The following TRIM2 variants were observed in gnomAD, a reference collection of about 807,000 sequenced individuals.
TRIM2 encodes the protein tripartite motif-containing protein 2.
Under a neutral mutation model 75.2 loss-of-function variants are expected in TRIM2, and 20 were observed. The observed-to-expected ratio is 0.27, with a 90% CI of 0.19 to 0.39. TRIM2 has a LOEUF of 0.39. TRIM2 is among the 10% of genes least tolerant of loss of function. TRIM2 has a pLI of 1.00. For missense variants in TRIM2, 660 were observed against 990.8 expected, an observed-to-expected ratio of 0.67 and a Z score of 4.48; for synonymous variants, 373 against 388.3, an observed-to-expected ratio of 0.96 and a Z score of 0.46.
intron 1 of TRIM2, among the ~76,000 whole-genome samples, chr4:153,178,778 A>G (rs950571302): frequency 6.6e-6 from 1 of 152,224 alleles, no homozygotes; most frequent in Admixed American, 6.5e-5. Flanking sequence ...ATTTCCCAAT[A>G]AGAAAAATTT....
intron 6 of TRIM2, among the ~76,000 whole-genome samples, chr4:153,306,541 G>A (rs935254695): frequency 6.6e-6 from 1 of 152,172 alleles, no homozygotes; most frequent in Non-Finnish European, 1.5e-5. Flanking sequence ...TAAATCATGA[G>A]CTTCAGTGAA....
intron 1 of TRIM2, among the ~76,000 whole-genome samples, chr4:153,269,370 A>T (rs1049595153): frequency 6.6e-6 from 1 of 152,232 alleles, no homozygotes; most frequent in African/African-American, 2.4e-5. Context: ...ATCTCCTTGC[A>T]GTCTTCAGTG....
At chr4:153,152,176 C>T (rs565877567), upstream of TRIM2, among the ~76,000 whole-genome samples, 19 of 152,228 alleles carry the variant, frequency 1.2e-4, no homozygotes, top group African/African-American at 4.1e-4. Context: ...CATGGACATT[C>T]TTCTTAGAAG....
intron 1 of TRIM2, among the ~76,000 whole-genome samples, chr4:153,241,402 C>T (rs1746554918): frequency 6.6e-6 from 1 of 152,200 alleles, no homozygotes. Flanking sequence ...GATGGTCCTG[C>T]CCCCTCCCCG....
intron 1 of TRIM2, among the ~76,000 whole-genome samples, chr4:153,211,488 CTTTTTTT>C (rs112668688): frequency 2.4e-4 from 33 of 135,046 alleles, no homozygotes; most frequent in Middle Eastern, 3.7e-3. Flanking sequence ...TTTTCTTTTT[CTTTTTTT>C]TTTTTTTTTT....
At chr4:153,206,249 T>C (rs1483999008) in intron 1 of TRIM2, among the ~76,000 whole-genome samples, 2 of 152,200 alleles carry the variant, frequency 1.3e-5, no homozygotes, top group African/African-American at 2.4e-5. Flanking sequence ...CTGAAGGTTG[T>C]CACTTGTGCT....
At chr4:153,268,669 G>A (rs1251846297) in intron 1 of TRIM2, among the ~76,000 whole-genome samples, 1 of 152,128 alleles carries the variant, frequency 6.6e-6, no homozygotes, top group Non-Finnish European at 1.5e-5. Flanking sequence ...TTATGCCTTC[G>A]GTGTAGAAGC....
At chr4:153,165,475 C>T (rs1730204153) in intron 1 of TRIM2, among the ~76,000 whole-genome samples, 1 of 151,990 alleles carries the variant, frequency 6.6e-6, no homozygotes, top group Non-Finnish European at 1.5e-5. Context: ...GGACTACGAA[C>T]ACATGCCACC....
chr4:153,180,787 T>G (rs1731978727), intron 1 of TRIM2, among the ~76,000 whole-genome samples: 1 of 152,198 alleles, frequency 6.6e-6, no homozygotes, highest in Non-Finnish European at 1.5e-5. Context: ...CACCTAGAAA[T>G]ATTTTTAAGA....
chr4:153,244,185 C>CTTCT (rs1747633162), intron 1 of TRIM2, among the ~76,000 whole-genome samples: 2 of 108,294 alleles, frequency 1.8e-5, no homozygotes. Flanking sequence ...TTCTTCTCCT[C>CTTCT]CTTCTTCTTC....
chr4:153,266,640 C>CTT (rs35140648), intron 1 of TRIM2, among the ~76,000 whole-genome samples: 1,457 of 131,210 alleles, frequency 0.011, 43 homozygotes, highest in Middle Eastern at 0.039. Context: ...TGTGCCCGAC[C>CTT]TTTTTTTTTT....
Position 153,336,216 on chromosome 4 carries a change from C to CTT in TRIM2, c.*1251_*1252dup. 1.0e-6 allele frequency: 1 copy of CTT among 985,588 alleles called. No individual in the cohort carries two copies. Among genetic ancestry groups the CTT allele is most frequent in the Non-Finnish European group, 1.2e-6 (1 of 829,918 alleles). 61.1% of individuals were successfully genotyped at this position (985,588 alleles called of 1,614,324 possible). A position where few individuals can be genotyped will look rare whatever the true frequency, so the allele number is the denominator to read the frequency against. On this transcript the variant is annotated 3_prime_UTR_variant, in exon 12 of 12. Transcript: ENST00000338700. The stretch of plus-strand genomic sequence containing the variant: ...AAGACAGAAGCTTCGTCCAGCCACT[C>CTT]TTCAGCACATTCCTTTACTAAGCAG...
At chr4:153,228,366 A>G (rs1325354313) in intron 1 of TRIM2, among the ~76,000 whole-genome samples, 1 of 152,256 alleles carries the variant, frequency 6.6e-6, no homozygotes, top group Non-Finnish European at 1.5e-5. Context: ...GATGGCTAAG[A>G]TGAGCTGTCC....
chr4:153,212,425 C>T (rs1216132823), intron 1 of TRIM2, among the ~76,000 whole-genome samples: 1 of 152,126 alleles, frequency 6.6e-6, no homozygotes, highest in African/African-American at 2.4e-5. Context: ...TGAAATATTG[C>T]CTATTGGATA....
At chr4:153,304,315 T>C (rs549903531) in intron 6 of TRIM2, among the ~76,000 whole-genome samples, 9 of 152,154 alleles carry the variant, frequency 5.9e-5, no homozygotes, top group African/African-American at 2.2e-4. Context: ...GCTTTTACCA[T>C]GTTGGCCAGG....
chr4:153,169,705 T>C (rs550585627), intron 1 of TRIM2, among the ~76,000 whole-genome samples: 6 of 152,260 alleles, frequency 3.9e-5, no homozygotes, highest in African/African-American at 1.4e-4. Flanking sequence ...GAAAGCTCTC[T>C]GTGATTCTTC....
At chr4:153,215,679 C>A (rs1318876871) in intron 1 of TRIM2, among the ~76,000 whole-genome samples, 2 of 152,054 alleles carry the variant, frequency 1.3e-5, no homozygotes, top group East Asian at 3.9e-4. Flanking sequence ...AAAATTTCAA[C>A]ATATGGGGGT....
chr4:153,226,987 A>G (rs535268960), intron 1 of TRIM2, among the ~76,000 whole-genome samples: 1 of 152,348 alleles, frequency 6.6e-6, no homozygotes, highest in South Asian at 2.1e-4. Context: ...GGCAAAGAAC[A>G]AGTCTTGAAG....
intron 1 of TRIM2, among the ~76,000 whole-genome samples, chr4:153,261,430 GA>G (rs374926664): frequency 3.3e-5 from 5 of 149,598 alleles, no homozygotes; most frequent in South Asian, 2.1e-4. Flanking sequence ...CTTAGGGAGA[GA>G]AAAAAAAAGG....
Sources: gnomAD v4.1 joint callset for allele counts (sites outside exome capture counted in the v4.1 genomes callset) on GRCh38, gnomAD v4.1.1 for gene constraint, MANE v1.5 for transcripts, NCBI Gene and HGNC (gene_info 2026-07-23, HGNC 2026-07-21) for gene names.